The following FSTL4 variants were observed in gnomAD, a reference collection of about 807,000 sequenced individuals.
The protein encoded by FSTL4 is follistatin-related protein 4.
FSTL4 carries 28 observed loss-of-function variants against 78.2 expected under a neutral mutation model. That is an observed-to-expected ratio of 0.36 (90% confidence interval 0.27 to 0.49). The LOEUF (loss-of-function observed/expected upper bound fraction) is 0.49, where lower values mean the gene tolerates loss of function less well. FSTL4 is among the 20% of genes least tolerant of loss of function. FSTL4 has a pLI of 0.98. For synonymous variants in FSTL4, 422 were observed against 440.5 expected, an observed-to-expected ratio of 0.96 and a Z score of 0.53; for missense variants, 922 against 1,084.9, an observed-to-expected ratio of 0.85 and a Z score of 2.11.
chr5:133,299,257 A>G (rs761543518), intron 6 of FSTL4, among the ~76,000 whole-genome samples: 2 of 152,090 alleles, frequency 1.3e-5, no homozygotes, highest in Non-Finnish European at 2.9e-5. Context: ...TGCACACATG[A>G]GTGTGAAGGC....
chr5:133,405,176 G>A (rs549739475), intron 3 of FSTL4, among the ~76,000 whole-genome samples: 264 of 152,296 alleles, frequency 1.7e-3, no homozygotes, highest in African/African-American at 5.9e-3. Flanking sequence ...CCCAGCACAC[G>A]ACCTAGCACT....
At chr5:133,800,559 C>A in the FSTL4 span, among the ~76,000 whole-genome samples, 13 of 138,778 alleles carry the variant, frequency 9.4e-5, 1 homozygote, top group African/African-American at 3.4e-4. Flanking sequence ...GGAACAGGGA[C>A]CAACCGCTTC....
At chr5:133,609,328 C>T (rs992169709) in intron 1 of FSTL4, among the ~76,000 whole-genome samples, 7 of 152,018 alleles carry the variant, frequency 4.6e-5, no homozygotes, top group Non-Finnish European at 8.8e-5. Flanking sequence ...TGGCAATCAA[C>T]ATATAAAAAT....
intron 3 of FSTL4, among the ~76,000 whole-genome samples, chr5:133,501,008 A>T (rs781071843): frequency 2.6e-5 from 4 of 152,018 alleles, no homozygotes; most frequent in Admixed American, 6.6e-5. Context: ...GGAAGGGGAG[A>T]TAAAAGGGAG....
chr5:133,444,024 G>A (rs1757212228), intron 3 of FSTL4, among the ~76,000 whole-genome samples: 1 of 151,968 alleles, frequency 6.6e-6, no homozygotes, highest in Non-Finnish European at 1.5e-5. Context: ...TTTCCTCCTG[G>A]GCACTTGTGC....
At chr5:133,607,785 C>CAG (rs1197960624) in intron 1 of FSTL4, among the ~76,000 whole-genome samples, 1 of 152,118 alleles carries the variant, frequency 6.6e-6, no homozygotes, top group African/African-American at 2.4e-5. Flanking sequence ...CAACCAAGGG[C>CAG]AGAGAGCCAA....
At chr5:133,548,167 T>C (rs564000407) in intron 3 of FSTL4, among the ~76,000 whole-genome samples, 1 of 152,306 alleles carries the variant, frequency 6.6e-6, no homozygotes, top group African/African-American at 2.4e-5. Context: ...AATATAGAAC[T>C]TTTCTGAGTT....
intron 8 of FSTL4, among the ~76,000 whole-genome samples, chr5:133,226,086 T>C (rs2126795168): frequency 6.6e-6 from 1 of 152,328 alleles, no homozygotes; most frequent in South Asian, 2.1e-4. Flanking sequence ...CAGAAGGCCA[T>C]CCAAATATTT....
At chr5:133,237,346 C>T (rs941323297) in intron 7 of FSTL4, among the ~76,000 whole-genome samples, 7 of 152,198 alleles carry the variant, frequency 4.6e-5, no homozygotes, top group Non-Finnish European at 7.3e-5. Flanking sequence ...ATGACTTGTG[C>T]TGTGCCTCCA....
intron 3 of FSTL4, among the ~76,000 whole-genome samples, chr5:133,526,311 G>A (rs1286105676): frequency 6.6e-6 from 1 of 152,130 alleles, no homozygotes; most frequent in Non-Finnish European, 1.5e-5. Context: ...ACAATGAGGG[G>A]TGGGTTTTGA....
chr5:133,386,795 C>CCCTCA (rs528997610), intron 4 of FSTL4, among the ~76,000 whole-genome samples: 63 of 152,266 alleles, frequency 4.1e-4, no homozygotes, highest in African/African-American at 1.5e-3. Flanking sequence ...TGCAACGAAG[C>CCCTCA]CCTCACCCTG....
chr5:133,606,332 C>G (rs1580818601), intron 1 of FSTL4, among the ~76,000 whole-genome samples: 1 of 152,122 alleles, frequency 6.6e-6, no homozygotes, highest in African/African-American at 2.4e-5. Flanking sequence ...GTTGGTCAGG[C>G]TGGTCTCGAA....
At chr5:133,565,491 T>A (rs1760006383) in intron 3 of FSTL4, among the ~76,000 whole-genome samples, 2 of 152,186 alleles carry the variant, frequency 1.3e-5, no homozygotes, top group Admixed American at 1.3e-4. Context: ...AAGAAAGACA[T>A]CAGTGCACAA....
At chr5:133,298,188 C>T (rs10061620) in intron 6 of FSTL4, among the ~76,000 whole-genome samples, 123,259 of 152,226 alleles carry the variant, frequency 0.81, 50,148 homozygotes, top group African/African-American at 0.88. Flanking sequence ...TCATAGATTG[C>T]TGCAAGGATT....
chr5:133,788,639 A>G, the FSTL4 span, among the ~76,000 whole-genome samples: 2 of 152,228 alleles, frequency 1.3e-5, no homozygotes, highest in Non-Finnish European at 2.9e-5. Context: ...CGCGGCAAAC[A>G]CAACACCTCC....
intron 3 of FSTL4, among the ~76,000 whole-genome samples, chr5:133,477,080 A>G (rs1757939454): frequency 6.6e-6 from 1 of 152,238 alleles, no homozygotes; most frequent in African/African-American, 2.4e-5. Flanking sequence ...TTTGCTTAAG[A>G]AGCAAGCAAA....
the FSTL4 span, among the ~76,000 whole-genome samples, chr5:133,739,196 G>C: frequency 6.6e-6 from 1 of 152,060 alleles, no homozygotes; most frequent in South Asian, 2.1e-4. Flanking sequence ...TAACCCAGAG[G>C]GAGAACCTCA....
intron 4 of FSTL4, among the ~76,000 whole-genome samples, chr5:133,335,681 TG>T (rs574479956): frequency 2.7e-5 from 4 of 150,332 alleles, no homozygotes; most frequent in Non-Finnish European, 4.4e-5. Flanking sequence ...TCCCCTTTCT[TG>T]GGGGGGGTGG....
rs530709441 is a variant in FSTL4, at chr5:133,450,664, C to T, written c.161-49678G>A. ...CAGATGTAAGTGCAGCTGTCCTGAG[C>T]GGAACGCCATTAACTCCATTACAAC... On this transcript the variant is annotated intron_variant, in intron 3 of 15. Transcript: ENST00000265342. 3.3e-5 allele frequency among the ~76,000 whole-genome samples: 5 copies of T among 152,352 alleles called. No individual in the cohort carries two copies. The East Asian group carries it at 9.6e-4, about 29-fold the overall frequency.
Sources: allele counts gnomAD v4.1 joint callset (sites outside exome capture counted in the v4.1 genomes callset), GRCh38; gene constraint gnomAD v4.1.1; transcripts MANE v1.5; gene names NCBI Gene and HGNC (gene_info 2026-07-23, HGNC 2026-07-21).